The following CTBP1 variants were observed in gnomAD, a reference collection of about 807,000 sequenced individuals.
CTBP1 encodes the protein C-terminal binding protein 1.
A neutral mutation model predicts 42.1 loss-of-function variants in CTBP1; 11 were observed. The ratio of observed to expected loss-of-function variants is 0.26; its 90% CI spans 0.16 to 0.43. The LOEUF (loss-of-function observed/expected upper bound fraction) is 0.43. CTBP1 is among the 20% of genes least tolerant of loss of function. CTBP1 has a pLI of 1.00. For missense variants in CTBP1, 399 were observed against 624.3 expected (o/e 0.64, Z 3.85); for synonymous variants, 324 against 277.1 (o/e 1.17, Z -1.68).
At chr4:1,213,141 C>G in intron 8 of CTBP1, 111 bp from the exon 9 acceptor site, 16 of 988,908 alleles carry the variant, frequency 1.6e-5, no homozygotes, top group Non-Finnish European at 2.5e-5. Context: ...GCTCCTCCCT[C>G]TCAGCCCCGG....
Position 1,212,390 on chromosome 4 carries a change from A to G in CTBP1, c.1140T>C (p.Thr380=). 6.7e-7 allele frequency: 1 copy of G among 1,491,406 alleles called. No homozygotes were observed. The highest frequency in any genetic ancestry group is 8.9e-7 in the Non-Finnish European group (1 of 1,124,536). 92.4% of individuals were successfully genotyped at this position (1,491,406 alleles called of 1,614,324 possible). A position where few individuals can be genotyped will look rare whatever the true frequency, so the allele number is the denominator to read the frequency against. ...YPPGVVGVAP[T]GIPAAVEGIV... The stretch of plus-strand genomic sequence containing the variant: ...TACCTTCCACAGCAGCTGGGATGCC[A>G]GTGGGGGCCACGCCCACCACGCCCG... Residue 380 remains threonine, a synonymous_variant, in exon 10 of 10, where the codon ACT becomes ACC. Coordinates refer to ENST00000382952, the MANE Select transcript of CTBP1 (RefSeq NM_001012614.2).
intron 5 of CTBP1, among the ~76,000 whole-genome samples, chr4:1,224,920 CTG>C (rs1320107383): frequency 4.6e-5 from 7 of 151,274 alleles, no homozygotes; most frequent in African/African-American, 1.7e-4. Context: ...TGTGTGATGT[CTG>C]TGTGTGCCAT....
chr4:1,245,691 G>A, intron 1 of CTBP1: 1 of 984,034 alleles, frequency 1.0e-6, no homozygotes, highest in Non-Finnish European at 1.2e-6. Flanking sequence ...GGGTGGGCAG[G>A]GTGGCACGGG....
At chr4:1,236,786 C>A (rs1731551243) in intron 3 of CTBP1, 2 of 666,750 alleles carry the variant, frequency 3.0e-6, no homozygotes, top group South Asian at 3.2e-5. Context: ...CCGGTGTCCA[C>A]CTCCTGATGG....
At chr4:1,248,495 C>T (rs1732995415) in intron 1 of CTBP1, among the ~76,000 whole-genome samples, 1 of 150,806 alleles carries the variant, frequency 6.6e-6, no homozygotes, top group South Asian at 2.1e-4. Flanking sequence ...GCACGGCTCC[C>T]GCCCCATCCC....
intron 5 of CTBP1, 37 bp from the exon 6 acceptor site, chr4:1,216,242 A>C: frequency 1.9e-6 from 3 of 1,576,978 alleles, no homozygotes; most frequent in Non-Finnish European, 2.6e-6. Flanking sequence ...ACCCTTGCTC[A>C]CCCGTGGCCG....
At chr4:1,228,378 C>G (rs1730606619) in intron 3 of CTBP1, 35 bp from the exon 4 acceptor site, 2 of 1,601,694 alleles carry the variant, frequency 1.2e-6, no homozygotes, top group Non-Finnish European at 1.7e-6. Context: ...CAGCCCGGAA[C>G]CTGAAGACCC....
rs1207306255 is a variant in CTBP1, at chr4:1,238,809, CCCGAGACCCTCCCAGACCGT to C, written c.8-492_8-473del. 6.6e-6 allele frequency among the ~76,000 whole-genome samples: 1 copy of C among 151,442 alleles called. No individual in the cohort carries two copies. The highest frequency in any genetic ancestry group is 1.5e-5 in the Non-Finnish European group (1 of 67,840). ...GGCCCTCCAAGACCCTCTGAGACCC[CCCGAGACCCTCCCAGACCGT>C]CCGAGACCCCAGGGCAGCTCCATGA... On this transcript the variant is annotated intron_variant, in intron 2 of 9. Transcript: ENST00000382952. The surrounding 1 kb of genome is among the most constrained non-coding windows in gnomAD (Gnocchi z 5.9).
chr4:1,248,656 G>A, intron 1 of CTBP1: 1 of 983,014 alleles, frequency 1.0e-6, no homozygotes, highest in South Asian at 4.7e-5. Flanking sequence ...GCCCTTTTGT[G>A]TCACCTGCAC....
chr4:1,237,238 G>A (rs997791174), intron 3 of CTBP1: 13 of 667,992 alleles, frequency 1.9e-5, no homozygotes, highest in Non-Finnish European at 3.3e-5. Context: ...ACCTCCTGAT[G>A]GGGCTCAGGA....
chr4:1,243,054 G>A lies in CTBP1; in HGVS notation c.-188-1535C>T, dbSNP rs958138471. The A allele has an allele frequency of 6.1e-6, 6 of 985,224 alleles. No homozygotes were observed. In the Admixed American group the frequency reaches 2.5e-4, roughly 40 times the overall value. The allele number at this position is 985,224 out of a possible 1,614,324, so 61.0% of individuals were successfully genotyped here. ...TACGGGCCAATACTCATTGATACCG[G>A]CTGATACTCATTGATACCAGTCAAT... is the stretch of plus-strand genomic sequence containing the variant. On this transcript the variant is annotated intron_variant, in intron 1 of 9. Coordinates refer to ENST00000382952, the MANE Select transcript of CTBP1 (RefSeq NM_001012614.2).
At chr4:1,212,870 G>T (rs938196854) in intron 9 of CTBP1, 43 bp downstream of exon 9, 1 of 1,525,874 alleles carries the variant, frequency 6.6e-7, no homozygotes, top group Non-Finnish European at 9.1e-7. Context: ...GGGGAAGCCT[G>T]GGGCCCTCCT....
intron 3 of CTBP1, among the ~76,000 whole-genome samples, chr4:1,234,101 C>T (rs1418914442): frequency 6.6e-6 from 1 of 152,204 alleles, no homozygotes; most frequent in Non-Finnish European, 1.5e-5. Flanking sequence ...CCTTTGGCCA[C>T]CCCTAGTGGC....
At chr4:1,224,893 G>A (rs1730159336) in intron 5 of CTBP1, among the ~76,000 whole-genome samples, 1 of 151,796 alleles carries the variant, frequency 6.6e-6, no homozygotes, top group African/African-American at 2.4e-5. Context: ...AGGCCAGTAT[G>A]TGTACTGTGA....
At chr4:1,232,147 G>A (rs928740338) in intron 3 of CTBP1, among the ~76,000 whole-genome samples, 9 of 152,230 alleles carry the variant, frequency 5.9e-5, no homozygotes, top group African/African-American at 1.7e-4. Context: ...AGGCTGAAGC[G>A]ATCCTCTGGC....
At position 1,238,414 on chromosome 4, in the gene CTBP1, T is replaced by G. The variant is rs73793154; in HGVS notation, c.8-77A>C. ...ACAACCCACTCCACGCCACCCACTG[T>G]GCACGGGCCAACGAGGGCCGACCGC... On this transcript the variant is annotated intron_variant, in intron 2 of 9. Transcript: ENST00000382952. The surrounding 1 kb of genome is among the most constrained non-coding windows in gnomAD (Gnocchi z 5.9). The G allele has an allele frequency of 2.0e-6, 3 of 1,477,672 alleles. No homozygotes were observed. Among genetic ancestry groups the G allele is most frequent in the Non-Finnish European group, 2.7e-6 (3 of 1,113,502 alleles). The allele number at this position is 1,477,672 out of a possible 1,614,324, so 91.5% of individuals were successfully genotyped here.
chr4:1,238,671 C>T lies in CTBP1; in HGVS notation c.8-334G>A. Among the ~76,000 whole-genome samples the T allele has an allele frequency of 6.6e-6, 1 of 150,684 alleles. No homozygotes were observed. Among genetic ancestry groups the T allele is most frequent in the South Asian group, 2.2e-4 (1 of 4,602 alleles). The stretch of plus-strand genomic sequence containing the variant: ...CCCTCTGAGACCCTCTCACACCCTC[C>T]AAGACCCTCCGAGACCCCCCAAGAA... On this transcript the variant is annotated intron_variant, in intron 2 of 9. Coordinates refer to ENST00000382952, the MANE Select transcript of CTBP1 (RefSeq NM_001012614.2). This position sits in a 1 kb window ranked among gnomAD's most constrained non-coding sequence, Gnocchi z 5.9.
intron 1 of CTBP1, among the ~76,000 whole-genome samples, chr4:1,248,399 C>A (rs923365849): frequency 9.3e-5 from 14 of 151,246 alleles, no homozygotes; most frequent in African/African-American, 4.8e-5. Flanking sequence ...CCACAGCGCG[C>A]GGCCACGGTC....
chr4:1,237,505 T>C, intron 3 of CTBP1: 1 of 682,182 alleles, frequency 1.5e-6, no homozygotes, highest in African/African-American at 1.8e-5. Context: ...AAACCCCGTG[T>C]CCACCTCCTG....
Sources: allele counts gnomAD v4.1 joint callset (sites outside exome capture counted in the v4.1 genomes callset), GRCh38; gene constraint gnomAD v4.1.1; non-coding constraint Gnocchi (gnomAD v3.1); transcripts MANE v1.5; gene names NCBI Gene and HGNC (gene_info 2026-07-23, HGNC 2026-07-21).